Variants in EFHD1 observed in about 807,000 individuals in gnomAD.
EFHD1 encodes the protein EF-hand domain family member D1, also known as EF-hand domain-containing protein D1.
In EFHD1, 10 loss-of-function variants were observed where a neutral mutation model predicts 17.2. The ratio of observed to expected loss-of-function variants is 0.58; its 90% confidence interval spans 0.36 to 0.99. The LOEUF is 0.99. Among genes scored for constraint, EFHD1 ranks in the 50% least tolerant of loss-of-function variants. EFHD1 has a pLI of 0.01. For synonymous variants in EFHD1, 153 were observed against 142.0 expected (o/e 1.08, Z -0.55); for missense variants, 310 against 327.5 (o/e 0.95, Z 0.41).
chr2:232,674,587 C>T (rs751796531), intron 3 of EFHD1, among the ~76,000 whole-genome samples: 4 of 152,142 alleles, frequency 2.6e-5, no homozygotes, highest in Non-Finnish European at 5.9e-5. Context: ...AAAATTCTTA[C>T]AGCTCGTTAT....
At chr2:232,678,828 G>A (rs978713246) in intron 3 of EFHD1, among the ~76,000 whole-genome samples, 2 of 152,112 alleles carry the variant, frequency 1.3e-5, no homozygotes, top group South Asian at 2.1e-4. Context: ...TCTCTTTCAC[G>A]TGGGAACTTA....
chr2:232,609,346 C>T (rs1693773078), intron 1 of EFHD1, among the ~76,000 whole-genome samples: 1 of 152,140 alleles, frequency 6.6e-6, no homozygotes, highest in Admixed American at 6.5e-5. Flanking sequence ...CAGGCATGAG[C>T]CACTGCACCC....
At chr2:232,638,495 C>G in intron 1 of EFHD1, 1 of 470,556 alleles carries the variant, frequency 2.1e-6, no homozygotes, top group Non-Finnish European at 4.4e-6. Context: ...GTGAGGCTGT[C>G]GTGGAATTCT....
intron 1 of EFHD1, among the ~76,000 whole-genome samples, chr2:232,608,576 A>G (rs886583914): frequency 6.6e-6 from 1 of 152,302 alleles, no homozygotes; most frequent in Non-Finnish European, 1.5e-5. Flanking sequence ...ATGGGGAGCC[A>G]ATTGTACTTG....
At chr2:232,670,695 AAACAT>A (rs1272695015) in intron 2 of EFHD1, among the ~76,000 whole-genome samples, 3 of 152,186 alleles carry the variant, frequency 2.0e-5, no homozygotes, top group African/African-American at 7.2e-5. Flanking sequence ...GTTGTAGACA[AAACAT>A]AGGTGGTTGT....
In EFHD1 at chr2:232,656,369, C is replaced by G. The variant is rs541268784; in HGVS notation, c.303-6433C>G. Among the ~76,000 whole-genome samples the G allele has an allele frequency of 1.7e-3, 259 of 151,862 alleles. 2 individuals carry two copies. Among genetic ancestry groups the G allele is most frequent in the South Asian group, 7.7e-3 (37 of 4,810 alleles). On this transcript the variant is annotated intron_variant, in intron 1 of 3. Transcript: ENST00000264059. Reference sequence around the variant, plus strand: ...TCACAGTTGCAAGTGAGCGCCATTTCTCTCAAAACCTGTGCTGGGAAAGTC... The same window carrying G: ...TCACAGTTGCAAGTGAGCGCCATTTGTCTCAAAACCTGTGCTGGGAAAGTC...
chr2:232,633,022 G>GCT (rs958285429), upstream of EFHD1, among the ~76,000 whole-genome samples: 31 of 152,238 alleles, frequency 2.0e-4, no homozygotes, highest in Admixed American at 2.0e-3. Context: ...CTGCTCGTTT[G>GCT]CTCTCTCTCT....
At chr2:232,645,577 G>T (rs1307043208) in intron 1 of EFHD1, among the ~76,000 whole-genome samples, 2 of 152,168 alleles carry the variant, frequency 1.3e-5, no homozygotes, top group African/African-American at 2.4e-5. Flanking sequence ...GTCCTGTTTG[G>T]CTTTGGTGGT....
At chr2:232,642,551 G>A (rs12467052) in intron 1 of EFHD1, among the ~76,000 whole-genome samples, 61,741 of 151,810 alleles carry the variant, frequency 0.41, 12,992 homozygotes, top group Non-Finnish European at 0.47. Context: ...TCAAGGGGGT[G>A]TACAGCTCCT....
At chr2:232,658,354 C>T (rs536670356) in intron 1 of EFHD1, among the ~76,000 whole-genome samples, 22 of 150,858 alleles carry the variant, frequency 1.5e-4, no homozygotes, top group African/African-American at 3.4e-4. Flanking sequence ...ACAGCCAGTC[C>T]GCCTAATTGT....
At chr2:232,639,565 C>G (rs1694386114) in intron 1 of EFHD1, among the ~76,000 whole-genome samples, 1 of 152,114 alleles carries the variant, frequency 6.6e-6, no homozygotes, top group South Asian at 2.1e-4. Context: ...CCTGTGGTAC[C>G]CCCTGGACCA....
At chr2:232,635,825 A>G (rs62191637) in intron 1 of EFHD1, among the ~76,000 whole-genome samples, 28 of 115,848 alleles carry the variant, frequency 2.4e-4, no homozygotes, top group South Asian at 4.9e-4. Flanking sequence ...TCTCAAGGGG[A>G]AAAAAAAAAA....
intron 1 of EFHD1, among the ~76,000 whole-genome samples, chr2:232,640,522 C>T (rs530501638): frequency 1.3e-5 from 2 of 152,322 alleles, no homozygotes; most frequent in South Asian, 2.1e-4. Flanking sequence ...TTCATTCACT[C>T]ATTCATTTTT....
At chr2:232,668,397 C>G (rs1348850594) in intron 2 of EFHD1, among the ~76,000 whole-genome samples, 1 of 152,138 alleles carries the variant, frequency 6.6e-6, no homozygotes, top group African/African-American at 2.4e-5. Context: ...GTGGATACGT[C>G]TGGATCTGCC....
intron 1 of EFHD1, among the ~76,000 whole-genome samples, chr2:232,639,788 A>C (rs939002072): frequency 2.0e-5 from 3 of 152,188 alleles, no homozygotes; most frequent in Admixed American, 1.3e-4. Context: ...GCACATCCTC[A>C]GGGCACTGAC....
intron 1 of EFHD1, among the ~76,000 whole-genome samples, chr2:232,655,636 G>A (rs901404478): frequency 3.3e-5 from 5 of 152,122 alleles, no homozygotes; most frequent in African/African-American, 9.7e-5. Context: ...CCAGTTGGCC[G>A]TTTTGCCAGA....
At chr2:232,630,796 AAAAAG>A (rs1694187576), upstream of EFHD1, among the ~76,000 whole-genome samples, 2 of 135,688 alleles carry the variant, frequency 1.5e-5, no homozygotes, top group African/African-American at 5.1e-5. Context: ...AAAAAAAAAA[AAAAAG>A]AAAGAAAGAA....
intron 1 of EFHD1, among the ~76,000 whole-genome samples, chr2:232,621,014 A>T (rs2106186516): frequency 6.6e-6 from 1 of 152,246 alleles, no homozygotes; most frequent in East Asian, 1.9e-4. Context: ...GGGGAGGAAG[A>T]GCTGAGCCAC....
intron 1 of EFHD1, among the ~76,000 whole-genome samples, chr2:232,643,366 C>T (rs1190769975): frequency 2.0e-5 from 3 of 151,862 alleles, no homozygotes; most frequent in African/African-American, 4.8e-5. Flanking sequence ...GAATAACGTT[C>T]CAGGGCTCTT....
Sources: allele counts gnomAD v4.1 joint callset (sites outside exome capture counted in the v4.1 genomes callset), GRCh38; gene constraint gnomAD v4.1.1; transcripts MANE v1.5; gene names NCBI Gene and HGNC (gene_info 2026-07-23, HGNC 2026-07-21).